SHISA5: variants seen among roughly 807,000 people sequenced by gnomAD.
The protein encoded by SHISA5 is protein shisa-5.
Under a neutral mutation model 27.5 loss-of-function variants are expected in SHISA5, and 21 were observed. That is an observed-to-expected ratio of 0.76 (90% confidence interval 0.54 to 1.10). SHISA5 has a LOEUF of 1.10. Among genes scored for constraint, SHISA5 ranks in the 50% least tolerant of loss-of-function variants. SHISA5 has a pLI of 0.00. For synonymous variants in SHISA5, 137 were observed against 142.2 expected (o/e 0.96, Z 0.26); for missense variants, 314 against 336.3 (o/e 0.93, Z 0.52).
At chr3:48,477,591 T>A (rs994877012) in intron 3 of SHISA5, among the ~76,000 whole-genome samples, 1 of 152,118 alleles carries the variant, frequency 6.6e-6, no homozygotes, top group Admixed American at 6.6e-5. Context: ...TTACTCCTCA[T>A]CCATTCACGG....
intron 3 of SHISA5, among the ~76,000 whole-genome samples, chr3:48,474,986 ACT>A (rs1355555097): frequency 1.3e-5 from 2 of 151,466 alleles, no homozygotes; most frequent in African/African-American, 2.4e-5. Context: ...ATAAACACAC[ACT>A]CTGTTGTGTG....
At chr3:48,472,393 G>A (rs994235243) in intron 3 of SHISA5, among the ~76,000 whole-genome samples, 3 of 152,066 alleles carry the variant, frequency 2.0e-5, no homozygotes, top group Non-Finnish European at 4.4e-5. Flanking sequence ...CTACTGGGGA[G>A]GCTGAGGCAG....
intron 1 of SHISA5, among the ~76,000 whole-genome samples, chr3:48,503,375 C>T (rs142169318): frequency 6.6e-6 from 1 of 152,202 alleles, no homozygotes; most frequent in East Asian, 1.9e-4. Context: ...TCATCCCAGC[C>T]CCCAGGAAAT....
rs199983750 is a variant in SHISA5, at chr3:48,471,578, A to AAAAAAAACT, written c.315-1736_315-1735insAGTTTTTTT. Among the ~76,000 whole-genome samples, 7 of 113,620 alleles carry AAAAAAAACT rather than the reference A, an allele frequency of 6.2e-5. 1 individual carries two copies. The highest frequency in any genetic ancestry group is 5.1e-5 in the Non-Finnish European group (3 of 58,822). 74.5% of individuals were successfully genotyped at this position (113,620 alleles called of 152,430 possible). A position where few individuals can be genotyped will look rare whatever the true frequency, so the allele number is the denominator to read the frequency against. On this transcript the variant is annotated intron_variant, in intron 3 of 5. Coordinates refer to ENST00000296444, the MANE Select transcript of SHISA5 (RefSeq NM_016479.6). ...TCAAAAAAAAAAAAAAAAAAAAAAA[A>AAAAAAAACT]GTCAGCCTTACATTTTGTACTGGAT...
chr3:48,484,087 A>C (rs2041120355), intron 2 of SHISA5, among the ~76,000 whole-genome samples: 3 of 152,190 alleles, frequency 2.0e-5, no homozygotes, highest in Admixed American at 1.3e-4. Flanking sequence ...GAAAAAGAAA[A>C]GTGGTGGGAC....
Position 48,469,549 on chromosome 3 carries a change from G to C in SHISA5, c.455C>G (p.Thr152Ser). 6 of 1,610,278 alleles carry C rather than the reference G, an allele frequency of 3.7e-6. No individual in the cohort carries two copies. The highest frequency in any genetic ancestry group is 1.3e-5 in the African/African-American group (1 of 74,950). ...PRPVVTTTTS[T>S]TVVHAPYPQP... Reference sequence around the variant, plus strand: ...AGGATAAGGGGCATGCACCACAGTGGTGGATGTGGTGGTGGTGACAACCGC... The same window carrying C: ...AGGATAAGGGGCATGCACCACAGTGCTGGATGTGGTGGTGGTGACAACCGC... Residue 152 changes from threonine to serine, a missense_variant, in exon 5 of 6, where the codon ACC becomes AGC. Physicochemically the swap from Thr to Ser is moderately conservative, Grantham distance 58. Coordinates refer to ENST00000296444, the MANE Select transcript of SHISA5 (RefSeq NM_016479.6). This position sits in a 1 kb window ranked among gnomAD's most constrained non-coding sequence, Gnocchi z 4.6.
intron 3 of SHISA5, among the ~76,000 whole-genome samples, chr3:48,477,496 C>T (rs1290771253): frequency 1.3e-5 from 2 of 151,826 alleles, no homozygotes; most frequent in African/African-American, 2.4e-5. Flanking sequence ...CCTGAACTCC[C>T]GGCCTACAGC....
chr3:48,490,050 C>A (rs2041375968), intron 2 of SHISA5, among the ~76,000 whole-genome samples: 1 of 152,110 alleles, frequency 6.6e-6, no homozygotes. Context: ...CAGGTTGCCG[C>A]CACCTCCGTT....
rs774819624 is a variant in SHISA5 at position 48,504,120 on chromosome 3, G to A, written c.-26C>T. 5 of 1,205,278 alleles carry A rather than the reference G, an allele frequency of 4.1e-6. No individual in the cohort carries two copies. Among genetic ancestry groups the A allele is most frequent in the Admixed American group, 8.3e-5 (2 of 24,036 alleles). 74.7% of individuals were successfully genotyped at this position (1,205,278 alleles called of 1,614,324 possible). A position where few individuals can be genotyped will look rare whatever the true frequency, so the allele number is the denominator to read the frequency against. On this transcript the variant is annotated 5_prime_UTR_variant, in exon 1 of 6. Transcript: ENST00000296444. The surrounding 1 kb of genome is among the most constrained non-coding windows in gnomAD (Gnocchi z 4.0). ...GGCTGGGCGGGCGGACGGGCGGACG[G>A]ACGCGAGCGCCGGGCGCAGTGCCGC...
At chr3:48,487,811 G>A (rs1204281611) in intron 2 of SHISA5, among the ~76,000 whole-genome samples, 7 of 152,088 alleles carry the variant, frequency 4.6e-5, no homozygotes, top group African/African-American at 1.4e-4. Context: ...TAGGAGAATC[G>A]CTTGAACCTG....
At chr3:48,486,380 A>AATGTATT (rs2041233095) in intron 2 of SHISA5, among the ~76,000 whole-genome samples, 1 of 84,916 alleles carries the variant, frequency 1.2e-5, no homozygotes, top group African/African-American at 6.3e-5. Context: ...TATAATATAT[A>AATGTATT]ATATGTTATA....
chr3:48,483,554 C>T (rs1161818483), intron 2 of SHISA5, among the ~76,000 whole-genome samples: 2 of 152,174 alleles, frequency 1.3e-5, no homozygotes, highest in African/African-American at 2.4e-5. Flanking sequence ...CCTTTTCTAT[C>T]CCACAAAACC....
chr3:48,494,032 T>C (rs1194524785), intron 2 of SHISA5, among the ~76,000 whole-genome samples: 2 of 147,306 alleles, frequency 1.4e-5, no homozygotes, highest in African/African-American at 5.4e-5. Flanking sequence ...TTATAAACTA[T>C]AGTCACCATT....
chr3:48,503,193 G>A, intron 1 of SHISA5: 1 of 1,289,586 alleles, frequency 7.8e-7, no homozygotes, highest in Non-Finnish European at 1.0e-6. Context: ...CTGAGCTAGG[G>A]CTGAAGACAC....
intron 3 of SHISA5, 77 bp downstream of exon 3, chr3:48,479,100 C>G: frequency 7.5e-7 from 1 of 1,330,122 alleles, no homozygotes; most frequent in Non-Finnish European, 1.1e-6. Flanking sequence ...CCCAGTCCCC[C>G]AGATGCACAC....
At chr3:48,501,417 C>T in intron 1 of SHISA5, 124 bp from the exon 2 acceptor site, 3 of 1,150,320 alleles carry the variant, frequency 2.6e-6, no homozygotes, top group South Asian at 1.5e-5. Context: ...CTCTGAGCCA[C>T]CCTAGCCACA....
chr3:48,476,940 G>T, intron 3 of SHISA5: 1 of 385,448 alleles, frequency 2.6e-6, no homozygotes, highest in Non-Finnish European at 5.1e-6. Flanking sequence ...TAACAGAACA[G>T]GTCCCACATG....
At chr3:48,498,122 T>C (rs1296154833) in intron 2 of SHISA5, among the ~76,000 whole-genome samples, 1 of 152,218 alleles carries the variant, frequency 6.6e-6, no homozygotes, top group Non-Finnish European at 1.5e-5. Context: ...CAGTCATCTC[T>C]ACAAATGCAC....
intron 2 of SHISA5, among the ~76,000 whole-genome samples, chr3:48,492,295 C>G (rs2041458185): frequency 6.6e-6 from 1 of 151,458 alleles, no homozygotes; most frequent in Non-Finnish European, 1.5e-5. Context: ...ACGGTGAAAC[C>G]CTGTCTCTAC....
Sources: gnomAD v4.1 joint callset for allele counts (sites outside exome capture counted in the v4.1 genomes callset) on GRCh38, gnomAD v4.1.1 for gene constraint, Gnocchi (gnomAD v3.1) non-coding constraint, MANE v1.5 for transcripts, NCBI Gene and HGNC (gene_info 2026-07-23, HGNC 2026-07-21) for gene names.